Variants in LUZP1 observed in about 807,000 individuals in gnomAD.
The protein encoded by LUZP1 is leucine zipper protein 1, also known as filamin mechanobinding actin cross-linking protein.
LUZP1 carries 25 observed loss-of-function variants against 71.3 expected under a neutral mutation model. The ratio of observed to expected loss-of-function variants is 0.35; its 90% CI spans 0.26 to 0.49. LUZP1 has a LOEUF of 0.49. LUZP1 is among the 20% of genes least tolerant of loss of function. The probability of loss-of-function intolerance (pLI) is 0.99; values close to 1 mark genes in which losing one functional copy is unlikely to be tolerated. For synonymous variants in LUZP1, 481 were observed against 506.4 expected (o/e 0.95, Z 0.67); for missense variants, 1,142 against 1,300.8 (o/e 0.88, Z 1.88).
exon 5 of LUZP1, chr1:23,088,830 T>C: frequency 6.4e-7 from 1 of 1,561,762 alleles, no homozygotes; most frequent in Non-Finnish European, 8.7e-7. Context: ...GGATCCTTCG[T>C]GGGGCAGGAC....
intron 2 of LUZP1, among the ~76,000 whole-genome samples, chr1:23,129,201 G>C (rs1322163414): frequency 6.6e-6 from 1 of 152,164 alleles, no homozygotes; most frequent in East Asian, 1.9e-4. Flanking sequence ...GATCAAGATA[G>C]GACAATCTCA....
At chr1:23,084,518 A>C (rs569881081) in exon 5 of LUZP1, 2 of 152,266 alleles carry the variant, frequency 1.3e-5, no homozygotes, top group African/African-American at 4.8e-5. Flanking sequence ...CCTTATCTGC[A>C]AAGTCCCTTT....
intron 3 of LUZP1, among the ~76,000 whole-genome samples, chr1:23,099,257 G>A (rs1285078723): frequency 1.3e-5 from 2 of 152,198 alleles, no homozygotes; most frequent in Non-Finnish European, 2.9e-5. Context: ...GGTTTGGGAG[G>A]ACTTAATTAA....
chr1:23,176,291 A>C (rs569704013), intron 1 of LUZP1, among the ~76,000 whole-genome samples: 1 of 151,990 alleles, frequency 6.6e-6, no homozygotes, highest in South Asian at 2.1e-4. Flanking sequence ...TGAACTCTTG[A>C]CCTCAAATGA....
At chr1:23,163,506 T>C (rs1224174356) in intron 2 of LUZP1, among the ~76,000 whole-genome samples, 1 of 146,880 alleles carries the variant, frequency 6.8e-6, no homozygotes, top group East Asian at 2.0e-4. Flanking sequence ...CTGTGAGCTA[T>C]GACTGCCACT....
chr1:23,177,311 G>A (rs1289734378), intron 1 of LUZP1, among the ~76,000 whole-genome samples: 2 of 152,098 alleles, frequency 1.3e-5, no homozygotes, highest in South Asian at 2.1e-4. Context: ...AGAGGACATC[G>A]GTAGCCCCAG....
At chr1:23,108,749 T>C (rs897330381) in intron 3 of LUZP1, among the ~76,000 whole-genome samples, 7 of 152,196 alleles carry the variant, frequency 4.6e-5, no homozygotes, top group Non-Finnish European at 1.0e-4. Context: ...CGATAACATG[T>C]CCAACAGGAC....
chr1:23,088,988 A>G (rs1569852166), exon 5 of LUZP1: 1 of 1,614,174 alleles, frequency 6.2e-7, no homozygotes, highest in East Asian at 2.2e-5. Context: ...CAGGCAGTTC[A>G]GACGGATCCA....
intron 3 of LUZP1, among the ~76,000 whole-genome samples, chr1:23,096,710 C>A (rs921002218): frequency 6.6e-6 from 1 of 152,142 alleles, no homozygotes; most frequent in Admixed American, 6.5e-5. Flanking sequence ...CGGTGGCTCA[C>A]GCCTGTAATC....
exon 4 of LUZP1, chr1:23,091,816 C>T (rs753887435): frequency 1.2e-6 from 2 of 1,614,108 alleles, no homozygotes. Flanking sequence ...GTGTGCCTCT[C>T]CCTCAGGGCC....
rs57669214 is a variant in LUZP1 at position 23,176,062 on chromosome 1, C to CTTT, written c.-485+1426_-485+1428dup. ...TTTCCTCCACCTTTTACTTCCTTGACTTTTTTTTTTTTTTTTTTAGATGGA... is the reference window on the plus strand; with the variant it reads ...TTTCCTCCACCTTTTACTTCCTTGACTTTTTTTTTTTTTTTTTTTTTAGATGGA... On this transcript the variant is annotated intron_variant, in intron 1 of 4. Coordinates refer to ENST00000302291, the Ensembl canonical transcript of LUZP1. 4.7e-3 allele frequency among the ~76,000 whole-genome samples: 606 copies of CTTT among 129,804 alleles called. 16 individuals are homozygous for CTTT. The highest frequency in any genetic ancestry group is 0.014 in the African/African-American group (487 of 33,842). The allele number at this position is 129,804 out of a possible 152,430, so 85.2% of individuals were successfully genotyped here.
intron 2 of LUZP1, among the ~76,000 whole-genome samples, chr1:23,137,600 C>T (rs1197401260): frequency 6.6e-6 from 1 of 151,874 alleles, no homozygotes; most frequent in African/African-American, 2.4e-5. Flanking sequence ...AAGATTGCGC[C>T]ACTGCACTCC....
At chr1:23,092,231 G>A in exon 4 of LUZP1, 1 of 1,614,104 alleles carries the variant, frequency 6.2e-7, no homozygotes. Context: ...CTGGAGTGAT[G>A]GTTGTATTTA....
rs142337407 is a variant in LUZP1, at chr1:23,135,369, T to C, written c.-225-26242A>G. On this transcript the variant is annotated intron_variant, in intron 2 of 4. Transcript: ENST00000302291. ...TACATACAAAGAACTATGGATTCCT[T>C]AGGAATATTCTACACTTGTATTCAA... 2.9e-3 allele frequency among the ~76,000 whole-genome samples: 436 copies of C among 152,354 alleles called. 1 individual carries two copies. The highest frequency in any genetic ancestry group is 0.02 in the Middle Eastern group (6 of 294).
chr1:23,128,342 T>C (rs2124680469), intron 2 of LUZP1, among the ~76,000 whole-genome samples: 1 of 152,226 alleles, frequency 6.6e-6, no homozygotes, highest in East Asian at 1.9e-4. Context: ...TACTAAGACA[T>C]GGATGTGAAG....
At chr1:23,164,614 TAA>T (rs969221137) in intron 2 of LUZP1, among the ~76,000 whole-genome samples, 3 of 152,216 alleles carry the variant, frequency 2.0e-5, no homozygotes, top group African/African-American at 7.2e-5. Context: ...AGGCATTTTC[TAA>T]GAGACAGAGA....
At position 23,084,605 on chromosome 1, in the gene LUZP1, T is replaced by TAAAC. The variant is rs1643731839; in HGVS notation, c.*4286_*4289dup. 2.6e-5 allele frequency: 4 copies of TAAAC among 152,316 alleles called. No individual in the cohort carries two copies. In the East Asian group the frequency reaches 5.8e-4, roughly 22 times the overall value. 9.4% of individuals were successfully genotyped at this position (152,316 alleles called of 1,614,324 possible). On this transcript the variant is annotated 3_prime_UTR_variant, in exon 5 of 5. Transcript: ENST00000302291. ...TCCTGACTGACTGACAGATAGATGA[T>TAAAC]AAACACTGTTACTGCAAATCCAAGT...
chr1:23,094,366 G>A lies in LUZP1; in HGVS notation c.-105C>T. 1 of 1,483,018 alleles carries A rather than the reference G, an allele frequency of 6.7e-7. No homozygotes were observed. The allele number at this position is 1,483,018 out of a possible 1,614,324, so 91.9% of individuals were successfully genotyped here. A position where few individuals can be genotyped will look rare whatever the true frequency, so the allele number is the denominator to read the frequency against. On this transcript the variant is annotated 5_prime_UTR_variant, in exon 4 of 5. Coordinates refer to ENST00000302291, the Ensembl canonical transcript of LUZP1. The surrounding 1 kb of genome is among the most constrained non-coding windows in gnomAD (Gnocchi z 4.7). ...CAACCACAATCTTCTTTGACAGCTG[G>A]AGACCATCATCAATCTACAAAAGGA... is the stretch of plus-strand genomic sequence containing the variant.
chr1:23,161,070 G>A (rs562164920), intron 2 of LUZP1, among the ~76,000 whole-genome samples: 1 of 152,138 alleles, frequency 6.6e-6, no homozygotes, highest in African/African-American at 2.4e-5. Context: ...AAGGACAAAA[G>A]ATAATGGGAC....
Sources: allele counts gnomAD v4.1 joint callset (sites outside exome capture counted in the v4.1 genomes callset), GRCh38; gene constraint gnomAD v4.1.1; non-coding constraint Gnocchi (gnomAD v3.1); transcripts MANE v1.5; gene names NCBI Gene and HGNC (gene_info 2026-07-23, HGNC 2026-07-21).